Variants in ANKRD30B observed in about 807,000 individuals in gnomAD.
ANKRD30B encodes ankyrin repeat domain 30B, also known as ankyrin repeat domain-containing protein 30B.
In ANKRD30B, 144 loss-of-function variants were observed where a neutral mutation model predicts 202.2. The ratio of observed to expected loss-of-function variants is 0.71; its 90% CI spans 0.62 to 0.82. The LOEUF is 0.82. Ranked by LOEUF, ANKRD30B falls within the 40% of genes least tolerant of loss-of-function variation. The probability of loss-of-function intolerance (pLI) is 0.00; values close to 1 mark genes in which losing one functional copy is unlikely to be tolerated. For synonymous variants in ANKRD30B, 508 were observed against 561.3 expected, an observed-to-expected ratio of 0.91 and a Z score of 1.34; for missense variants, 1,487 against 1,669.1, an observed-to-expected ratio of 0.89 and a Z score of 1.90.
rs1330203775 is a variant in ANKRD30B at position 14,787,110 on chromosome 18, G to A, written c.1734+10G>A. ...TTCTTGGGATTCTGAGGTACTATGT[G>A]TTATTGATTTTTTTAAATATTAGTA... On this transcript the variant is annotated intron_variant, in intron 15 of 43. Coordinates refer to ENST00000690538, the MANE Select transcript of ANKRD30B (RefSeq NM_001367607.2). 9.4e-6 allele frequency: 15 copies of A among 1,599,214 alleles called. No individual in the cohort carries two copies. In the Middle Eastern group the frequency reaches 8.3e-4, roughly 89 times the overall value.
At chr18:14,836,702 A>G (rs191688721) in intron 34 of ANKRD30B, among the ~76,000 whole-genome samples, 42 of 152,174 alleles carry the variant, frequency 2.8e-4, no homozygotes, top group Non-Finnish European at 5.9e-4. Context: ...GTCTCATTTT[A>G]TCTCTTTAAC....
chr18:14,793,288 A>G (rs192264277), intron 16 of ANKRD30B, among the ~76,000 whole-genome samples: 16 of 152,124 alleles, frequency 1.1e-4, no homozygotes. Context: ...TCTCATCCGA[A>G]CTGTGTACTT....
rs368788388 is a variant in ANKRD30B at position 14,847,860 on chromosome 18, G to T, written c.3182-856G>T. 3.9e-4 allele frequency among the ~76,000 whole-genome samples: 59 copies of T among 151,992 alleles called. No individual in the cohort carries two copies. In the East Asian group the frequency reaches 0.01, roughly 26 times the overall value. On this transcript the variant is annotated intron_variant, in intron 39 of 43. Coordinates refer to ENST00000690538, the MANE Select transcript of ANKRD30B (RefSeq NM_001367607.2). ...GATTTTCTCTAATTTTATAAGTTCC[G>T]CCCTGACCTGGCTTGGTCTTAGGTA...
chr18:14,874,232 G>C, the ANKRD30B span, among the ~76,000 whole-genome samples: 1 of 152,086 alleles, frequency 6.6e-6, no homozygotes, highest in Non-Finnish European at 1.5e-5. Context: ...CGAAGACCCT[G>C]AACGCTCTTC....
At chr18:14,936,257 G>C in the ANKRD30B span, among the ~76,000 whole-genome samples, 1 of 152,190 alleles carries the variant, frequency 6.6e-6, no homozygotes, top group Non-Finnish European at 1.5e-5. Flanking sequence ...TGTTGGAGGT[G>C]TTTCCCATCC....
At chr18:14,769,884 G>A (rs1159414924) in intron 8 of ANKRD30B, among the ~76,000 whole-genome samples, 1 of 152,208 alleles carries the variant, frequency 6.6e-6, no homozygotes, top group East Asian at 1.9e-4. Context: ...GTTTAGAGCA[G>A]ATCTTACTTA....
chr18:14,880,899 T>C, the ANKRD30B span, among the ~76,000 whole-genome samples: 10 of 152,206 alleles, frequency 6.6e-5, no homozygotes, highest in African/African-American at 2.4e-4. Context: ...TAGCTGTTGA[T>C]GTATAGAAGA....
chr18:14,869,000 A>G, the ANKRD30B span, among the ~76,000 whole-genome samples: 1 of 152,238 alleles, frequency 6.6e-6, no homozygotes, highest in Non-Finnish European at 1.5e-5. Context: ...CACTTTTGCT[A>G]CATGCCTCTC....
At chr18:14,865,076 G>C in the ANKRD30B span, among the ~76,000 whole-genome samples, 1 of 149,984 alleles carries the variant, frequency 6.7e-6, no homozygotes, top group Middle Eastern at 3.5e-3. Context: ...CACTCCCTCT[G>C]GCCACACTTT....
At chr18:14,818,144 T>A (rs1292253819) in intron 30 of ANKRD30B, among the ~76,000 whole-genome samples, 1 of 152,052 alleles carries the variant, frequency 6.6e-6, no homozygotes, top group Admixed American at 6.6e-5. Context: ...AAGAAATGTC[T>A]GTTTTTTCTT....
chr18:14,771,480 T>C (rs540813580), intron 8 of ANKRD30B, among the ~76,000 whole-genome samples: 47 of 152,284 alleles, frequency 3.1e-4, no homozygotes, highest in Non-Finnish European at 6.8e-4. Flanking sequence ...AGTTAGACTT[T>C]CTTACTTTTA....
At chr18:14,932,111 G>A in the ANKRD30B span, among the ~76,000 whole-genome samples, 1 of 140,518 alleles carries the variant, frequency 7.1e-6, no homozygotes, top group African/African-American at 2.7e-5. Context: ...TTTCTTCAGG[G>A]TACATTTCAC....
intron 18 of ANKRD30B, 100 bp from the exon 19 acceptor site, chr18:14,797,561 C>A (rs1968999176): frequency 2.2e-6 from 3 of 1,343,122 alleles, no homozygotes; most frequent in East Asian, 4.7e-5. Flanking sequence ...CCTTTCCAAT[C>A]CAAGCATGAG....
Position 14,810,864 on chromosome 18 carries a change from G to A in ANKRD30B, c.2488+684G>A, listed in dbSNP as rs546145201. ...CATGGTGGCACATGCCTGTAATCCT[G>A]GCAATTTAGGAGACCAAGGTGGGCA... is the stretch of plus-strand genomic sequence containing the variant. On this transcript the variant is annotated intron_variant, in intron 28 of 43. Transcript: ENST00000690538. Among the ~76,000 whole-genome samples the A allele has an allele frequency of 9.3e-5, 14 of 151,294 alleles. 1 individual carries two copies. The South Asian group carries it at 3.0e-3, about 32-fold the overall frequency.
Position 14,748,330 on chromosome 18 carries a change from G to C in ANKRD30B, c.-90G>C, listed in dbSNP as rs1397124470. On this transcript the variant is annotated 5_prime_UTR_variant, in exon 1 of 44. Coordinates refer to ENST00000690538, the MANE Select transcript of ANKRD30B (RefSeq NM_001367607.2). ...AGTGCGAGCCGGGGGCGGGTGCTGG[G>C]GAAGGGTAAGCGGGAAGCGAGGGCG... 18 of 1,141,356 alleles carry C rather than the reference G, an allele frequency of 1.6e-5. No individual in the cohort carries two copies. The highest frequency in any genetic ancestry group is 2.0e-5 in the Non-Finnish European group (17 of 843,672). The allele number at this position is 1,141,356 out of a possible 1,614,324, so 70.7% of individuals were successfully genotyped here. A position where few individuals can be genotyped will look rare whatever the true frequency, so the allele number is the denominator to read the frequency against.
chr18:14,832,731 A>G (rs71350509), intron 34 of ANKRD30B, among the ~76,000 whole-genome samples: 3 of 152,206 alleles, frequency 2.0e-5, no homozygotes, highest in Admixed American at 6.5e-5. Context: ...CTAAAATATG[A>G]CTTAAATTTA....
the ANKRD30B span, among the ~76,000 whole-genome samples, chr18:14,928,423 A>G: frequency 6.6e-6 from 1 of 152,182 alleles, no homozygotes; most frequent in East Asian, 1.9e-4. Flanking sequence ...GCCTTTCCCG[A>G]TGTGGCTTGG....
intron 7 of ANKRD30B, among the ~76,000 whole-genome samples, chr18:14,765,575 C>T (rs186901172): frequency 6.6e-6 from 1 of 152,082 alleles, no homozygotes; most frequent in African/African-American, 2.4e-5. Context: ...AATGTGTGAG[C>T]AAATAGGCAT....
At chr18:14,785,184 C>T (rs1158655184) in intron 14 of ANKRD30B, among the ~76,000 whole-genome samples, 3 of 152,180 alleles carry the variant, frequency 2.0e-5, no homozygotes, top group East Asian at 1.9e-4. Flanking sequence ...TCTTTTTACA[C>T]TAACCTACTT....
Sources: allele counts gnomAD v4.1 joint callset (sites outside exome capture counted in the v4.1 genomes callset), GRCh38; gene constraint gnomAD v4.1.1; transcripts MANE v1.5; gene names NCBI Gene and HGNC (gene_info 2026-07-23, HGNC 2026-07-21).